Variants in RNF216 observed in about 807,000 individuals in gnomAD.
RNF216 encodes the protein E3 ubiquitin-protein ligase RNF216.
In RNF216, 72 loss-of-function variants were observed where a neutral mutation model predicts 110.8. The ratio of observed to expected loss-of-function variants is 0.65; its 90% CI spans 0.54 to 0.79. The LOEUF (loss-of-function observed/expected upper bound fraction) is 0.79, where lower values mean the gene tolerates loss of function less well. RNF216 is among the 30% of genes least tolerant of loss of function. The probability of loss-of-function intolerance (pLI) is 0.00; values close to 1 mark genes in which losing one functional copy is unlikely to be tolerated. For synonymous variants in RNF216, 495 were observed against 407.5 expected (o/e 1.21, Z -2.59); for missense variants, 1,342 against 1,141.2 (o/e 1.18, Z -2.54).
At chr7:5,670,179 C>T (rs1789811960) in intron 13 of RNF216, among the ~76,000 whole-genome samples, 1 of 152,092 alleles carries the variant, frequency 6.6e-6, no homozygotes, top group Non-Finnish European at 1.5e-5. Flanking sequence ...AGTGAGGCAC[C>T]CGCCTCGGCC....
At chr7:5,660,959 T>TTTTTTTTTTTTTTTG (rs1451880005) in intron 13 of RNF216, among the ~76,000 whole-genome samples, 2 of 146,974 alleles carry the variant, frequency 1.4e-5, no homozygotes, top group African/African-American at 5.2e-5. Flanking sequence ...TTTTTTTTTT[T>TTTTTTTTTTTTTTTG]TTTTTTTTTG....
In RNF216 at chr7:5,641,350, A is replaced by G; in HGVS notation, c.2186T>C (p.Ile729Thr). ...SIEEKMTAARIRKCHKCGTGL... is the reference protein window; with the variant it reads ...SIEEKMTAARTRKCHKCGTGL... Reference sequence around the variant, plus strand: ...AGTCCCACACTTGTGGCATTTTCTAATGCGGGCAGCAGTCATTTTTTCTTC... The same window carrying G: ...AGTCCCACACTTGTGGCATTTTCTAGTGCGGGCAGCAGTCATTTTTTCTTC... The change falls in exon 15 of 17, where the codon ATT becomes ACT. Residue 729 changes from isoleucine to threonine, a missense_variant. Coordinates refer to ENST00000389902, the MANE Select transcript of RNF216 (RefSeq NM_207111.4). 1 of 1,614,206 alleles carries G rather than the reference A, an allele frequency of 6.2e-7. No individual in the cohort carries two copies. The highest frequency in any genetic ancestry group is 8.5e-7 in the Non-Finnish European group (1 of 1,180,020).
At chr7:5,758,349 C>T (rs1316500234) in intron 2 of RNF216, among the ~76,000 whole-genome samples, 2 of 152,156 alleles carry the variant, frequency 1.3e-5, no homozygotes, top group African/African-American at 2.4e-5. Context: ...CCTCCTTTTG[C>T]ACTCATAATG....
chr7:5,701,412 G>A (rs1302824897), intron 13 of RNF216, among the ~76,000 whole-genome samples: 2 of 152,008 alleles, frequency 1.3e-5, no homozygotes, highest in Non-Finnish European at 2.9e-5. Context: ...CCCTTTCTAG[G>A]ATCTCCGTTC....
chr7:5,773,980 T>A (rs1045341012), intron 1 of RNF216, among the ~76,000 whole-genome samples: 3 of 152,220 alleles, frequency 2.0e-5, no homozygotes, highest in African/African-American at 7.2e-5. Context: ...AATGTCAGGC[T>A]TGTAGTTAAG....
At chr7:5,629,911 T>C (rs1254901480) in intron 15 of RNF216, among the ~76,000 whole-genome samples, 1 of 150,928 alleles carries the variant, frequency 6.6e-6, no homozygotes, top group Admixed American at 6.6e-5. Context: ...CCTCATAAGA[T>C]ACTTCTTGGA....
chr7:5,762,406 C>G (rs1426745670), intron 1 of RNF216, among the ~76,000 whole-genome samples: 1 of 151,278 alleles, frequency 6.6e-6, no homozygotes, highest in Admixed American at 6.6e-5. Flanking sequence ...GCCTGTAATC[C>G]CAGCACTTTG....
intron 13 of RNF216, among the ~76,000 whole-genome samples, chr7:5,682,226 A>G (rs1257136857): frequency 6.6e-6 from 1 of 152,114 alleles, no homozygotes; most frequent in Non-Finnish European, 1.5e-5. Context: ...TTTTTCTCAA[A>G]TCTAGACTCC....
At chr7:5,776,740 A>G (rs1156939134) in intron 1 of RNF216, among the ~76,000 whole-genome samples, 1 of 151,678 alleles carries the variant, frequency 6.6e-6, no homozygotes, top group Non-Finnish European at 1.5e-5. Context: ...CTCTACTAAA[A>G]AAATACAAAA....
At chr7:5,759,923 G>A (rs1584592043) in intron 2 of RNF216, among the ~76,000 whole-genome samples, 1 of 151,950 alleles carries the variant, frequency 6.6e-6, no homozygotes, top group Non-Finnish European at 1.5e-5. Context: ...GAGCCACCAC[G>A]CCTGGCCTGG....
At chr7:5,748,218 G>A (rs571577858) in intron 3 of RNF216, among the ~76,000 whole-genome samples, 1 of 152,264 alleles carries the variant, frequency 6.6e-6, no homozygotes, top group South Asian at 2.1e-4. Flanking sequence ...GTTTCTGCCA[G>A]CTTATAGAGG....
intron 5 of RNF216, 97 bp from the exon 6 acceptor site, chr7:5,730,914 C>T: frequency 6.6e-7 from 1 of 1,507,610 alleles, no homozygotes; most frequent in Non-Finnish European, 9.0e-7. Context: ...TCCTTAGTCA[C>T]ACATTACAAC....
intron 9 of RNF216, among the ~76,000 whole-genome samples, chr7:5,717,988 T>C (rs1051152394): frequency 6.6e-5 from 10 of 151,966 alleles, no homozygotes; most frequent in Admixed American, 2.0e-4. Context: ...TGCTACTATC[T>C]GGATAAGAAA....
At chr7:5,652,561 A>G in intron 13 of RNF216, 51 bp from the exon 14 acceptor site, 1 of 1,215,186 alleles carries the variant, frequency 8.2e-7, no homozygotes, top group Non-Finnish European at 1.2e-6. Flanking sequence ...TGGACACCAC[A>G]GAAGTTCCTG....
intron 15 of RNF216, among the ~76,000 whole-genome samples, chr7:5,640,549 G>A (rs1787675872): frequency 1.3e-5 from 2 of 152,134 alleles, no homozygotes; most frequent in Admixed American, 6.5e-5. Flanking sequence ...TTCCTTGCCA[G>A]CCTTGCTCCT....
At chr7:5,675,791 C>T (rs1041684820) in intron 13 of RNF216, among the ~76,000 whole-genome samples, 2 of 150,004 alleles carry the variant, frequency 1.3e-5, no homozygotes, top group African/African-American at 5.0e-5. Context: ...CTCACTGAAA[C>T]CTCCGCCTCC....
chr7:5,678,358 A>T (rs1790437618), intron 13 of RNF216, among the ~76,000 whole-genome samples: 1 of 152,216 alleles, frequency 6.6e-6, no homozygotes, highest in Admixed American at 6.5e-5. Context: ...CAGGATCAGA[A>T]GAATGTTAAG....
intron 3 of RNF216, among the ~76,000 whole-genome samples, chr7:5,742,298 C>G (rs1794801748): frequency 2.0e-5 from 3 of 152,162 alleles, no homozygotes; most frequent in African/African-American, 7.2e-5. Flanking sequence ...CCGCCTCCCT[C>G]AGCCTCCCAA....
Position 5,679,435 on chromosome 7 carries a change from C to A in RNF216, c.2062-26925G>T, listed in dbSNP as rs761653831. Among the ~76,000 whole-genome samples, 4 of 152,244 alleles carry A rather than the reference C, an allele frequency of 2.6e-5. No homozygotes were observed. The East Asian group carries it at 5.8e-4, about 22-fold the overall frequency. ...GGGTTGTGAGGATGCAGGCGCTGAGCGCACTGGTGCACACACACCGTAACA... is the reference window on the plus strand; with the variant it reads ...GGGTTGTGAGGATGCAGGCGCTGAGAGCACTGGTGCACACACACCGTAACA... On this transcript the variant is annotated intron_variant, in intron 13 of 16. Coordinates refer to ENST00000389902, the MANE Select transcript of RNF216 (RefSeq NM_207111.4).
Sources: gnomAD v4.1 joint callset for allele counts (sites outside exome capture counted in the v4.1 genomes callset) on GRCh38, gnomAD v4.1.1 for gene constraint, MANE v1.5 for transcripts, NCBI Gene and HGNC (gene_info 2026-07-23, HGNC 2026-07-21) for gene names.